Variants in FOXP2 observed in about 807,000 individuals in gnomAD.
FOXP2 encodes forkhead box protein P2.
Under a neutral mutation model 115.8 loss-of-function variants are expected in FOXP2, and 12 were observed. The observed-to-expected ratio is 0.10, with a 90% CI of 0.07 to 0.17. The LOEUF (loss-of-function observed/expected upper bound fraction) is 0.17. Among genes scored for constraint, FOXP2 ranks in the 10% least tolerant of loss-of-function variants. FOXP2 has a pLI of 1.00. For synonymous variants in FOXP2, 328 were observed against 297.7 expected (o/e 1.10, Z -1.05); for missense variants, 629 against 843.5 (o/e 0.75, Z 3.15).
chr7:114,651,037 T>C (rs1317985376), intron 8 of FOXP2, among the ~76,000 whole-genome samples: 2 of 152,070 alleles, frequency 1.3e-5, no homozygotes, highest in Non-Finnish European at 2.9e-5. Context: ...CATGTATGTG[T>C]CTTATATTTT....
chr7:114,682,270 C>G (rs1015080676), intron 16 of FOXP2, among the ~76,000 whole-genome samples: 1 of 152,034 alleles, frequency 6.6e-6, no homozygotes, highest in Non-Finnish European at 1.5e-5. Flanking sequence ...TGCTGCGTGA[C>G]TAAATATTAT....
At chr7:114,652,433 T>C in intron 9 of FOXP2, 143 bp downstream of exon 9, 1 of 739,642 alleles carries the variant, frequency 1.4e-6, no homozygotes, top group Admixed American at 2.1e-5. Context: ...TTTTAGATTG[T>C]TTTAAACAGT....
chr7:114,673,194 G>T (rs1013508744), intron 16 of FOXP2, among the ~76,000 whole-genome samples: 1 of 152,302 alleles, frequency 6.6e-6, no homozygotes, highest in African/African-American at 2.4e-5. Flanking sequence ...GACTTGATTT[G>T]TCTGGCCAAC....
chr7:114,414,366 C>T (rs189336069), upstream of FOXP2: 1 of 152,546 alleles, frequency 6.6e-6, no homozygotes, highest in East Asian at 1.9e-4. Context: ...TTTTGTGAAA[C>T]AGCTAAGAAA....
intron 3 of FOXP2, among the ~76,000 whole-genome samples, chr7:114,607,190 T>TATCCATGTG (rs1279629354): frequency 6.6e-6 from 1 of 152,174 alleles, no homozygotes; most frequent in Non-Finnish European, 1.5e-5. Context: ...AATTCAGTCT[T>TATCCATGTG]ATCCATGTGA....
At chr7:114,281,439 A>C (rs1236722696) in intron 1 of FOXP2, among the ~76,000 whole-genome samples, 1 of 152,066 alleles carries the variant, frequency 6.6e-6, no homozygotes, top group Non-Finnish European at 1.5e-5. Context: ...TGTTTTGTGT[A>C]AATATGATAT....
chr7:114,413,925 T>C (rs993307133), upstream of FOXP2, among the ~76,000 whole-genome samples: 5 of 152,090 alleles, frequency 3.3e-5, no homozygotes, highest in Non-Finnish European at 4.4e-5. Flanking sequence ...TTAAAGCTTG[T>C]CCACTCACGA....
At chr7:114,626,162 AT>A (rs1804569494) in intron 3 of FOXP2, among the ~76,000 whole-genome samples, 1 of 151,862 alleles carries the variant, frequency 6.6e-6, no homozygotes, top group Non-Finnish European at 1.5e-5. Context: ...CACTCAAACC[AT>A]TTTAGGAGTA....
At chr7:114,561,725 C>T (rs535701221) in intron 3 of FOXP2, among the ~76,000 whole-genome samples, 2 of 152,182 alleles carry the variant, frequency 1.3e-5, no homozygotes, top group African/African-American at 2.4e-5. Flanking sequence ...ATTCATGAAT[C>T]GATTCCTTTA....
intron 2 of FOXP2, among the ~76,000 whole-genome samples, chr7:114,347,602 T>C (rs1470705069): frequency 1.3e-5 from 2 of 152,038 alleles, no homozygotes; most frequent in African/African-American, 2.4e-5. Flanking sequence ...ATATCTATCA[T>C]TGGAAAATAT....
At chr7:114,421,798 A>G (rs1335524187) in intron 1 of FOXP2, among the ~76,000 whole-genome samples, 2 of 151,752 alleles carry the variant, frequency 1.3e-5, no homozygotes, top group African/African-American at 4.8e-5. Context: ...AGGCAATCTT[A>G]GCATTAAAGA....
intron 1 of FOXP2, among the ~76,000 whole-genome samples, chr7:114,145,911 G>T (rs1252295484): frequency 1.3e-5 from 2 of 151,988 alleles, no homozygotes; most frequent in Non-Finnish European, 2.9e-5. Flanking sequence ...AAAATCTTTT[G>T]ACATAGGACT....
chr7:114,303,765 G>C (rs1385448819), intron 2 of FOXP2, among the ~76,000 whole-genome samples: 1 of 152,060 alleles, frequency 6.6e-6, no homozygotes. Flanking sequence ...TTATTGGTTA[G>C]TTGTGAACTT....
chr7:114,643,778 AACATAAT>A (rs1455261540), intron 7 of FOXP2, among the ~76,000 whole-genome samples: 11 of 152,204 alleles, frequency 7.2e-5, no homozygotes, highest in Admixed American at 7.2e-4. Flanking sequence ...TAGAATTCTT[AACATAAT>A]GGCTTAGGCT....
chr7:114,377,843 T>C (rs989575404), intron 2 of FOXP2, among the ~76,000 whole-genome samples: 3 of 152,220 alleles, frequency 2.0e-5, no homozygotes, highest in Non-Finnish European at 4.4e-5. Context: ...GGAAAGCTCG[T>C]GTCTGCCTCA....
At chr7:114,150,815 T>A (rs1433966887) in intron 1 of FOXP2, among the ~76,000 whole-genome samples, 2 of 152,008 alleles carry the variant, frequency 1.3e-5, no homozygotes, top group South Asian at 2.1e-4. Context: ...CTAGCAGGGC[T>A]TTTATTATAC....
intron 1 of FOXP2, among the ~76,000 whole-genome samples, chr7:114,256,631 A>G (rs1404952469): frequency 6.6e-6 from 1 of 152,056 alleles, no homozygotes; most frequent in Non-Finnish European, 1.5e-5. Context: ...TTGCAAACAT[A>G]TTTTACCCAT....
At chr7:114,122,399 CT>C (rs563384583) in intron 1 of FOXP2, among the ~76,000 whole-genome samples, 4,841 of 133,308 alleles carry the variant, frequency 0.036, 89 homozygotes, top group African/African-American at 0.057. Context: ...TCCCTGTTTT[CT>C]TTTTTTTTTT....
At position 114,691,764 on chromosome 7, in the gene FOXP2, G is replaced by C; in HGVS notation, c.*1838G>C. ...AACATACGTTCCCGTTCCATGTGAT[G>C]GAACCGGTTCTTGCAAACTAAGCTC... On this transcript the variant is annotated 3_prime_UTR_variant, in exon 17 of 17. Coordinates refer to ENST00000350908, the MANE Select transcript of FOXP2 (RefSeq NM_014491.4). 2.2e-6 allele frequency: 1 copy of C among 453,452 alleles called. No individual in the cohort carries two copies. The highest frequency in any genetic ancestry group is 1.6e-5 in the South Asian group (1 of 64,350). 28.1% of individuals were successfully genotyped at this position (453,452 alleles called of 1,614,324 possible).
Sources: allele counts gnomAD v4.1 joint callset (sites outside exome capture counted in the v4.1 genomes callset), GRCh38; gene constraint gnomAD v4.1.1; transcripts MANE v1.5; gene names NCBI Gene and HGNC (gene_info 2026-07-23, HGNC 2026-07-21).